The following CD109 variants were observed in gnomAD, a reference collection of about 807,000 sequenced individuals.
CD109 encodes CD109 antigen.
CD109 carries 149 observed loss-of-function variants against 165.8 expected under a neutral mutation model. The ratio of observed to expected loss-of-function variants is 0.90; its 90% CI spans 0.79 to 1.03. The LOEUF (loss-of-function observed/expected upper bound fraction) is 1.03, where lower values mean the gene tolerates loss of function less well. Ranked by LOEUF, CD109 falls within the 50% of genes least tolerant of loss-of-function variation. The probability of loss-of-function intolerance (pLI) is 0.00; values close to 1 mark genes in which losing one functional copy is unlikely to be tolerated. For missense variants in CD109, 1,712 were observed against 1,677.8 expected, an observed-to-expected ratio of 1.02 and a Z score of -0.36; for synonymous variants, 585 against 592.1, an observed-to-expected ratio of 0.99 and a Z score of 0.18.
chr6:73,779,023 A>G (rs1416503180), intron 15 of CD109, among the ~76,000 whole-genome samples: 2 of 152,318 alleles, frequency 1.3e-5, no homozygotes, highest in South Asian at 2.1e-4. Flanking sequence ...AATATTTCCA[A>G]AACATTTTCA....
At position 73,827,883 on chromosome 6, in the gene CD109, T is replaced by C. The variant is rs1379085442; in HGVS notation, c.*4250T>C. 2 of 154,294 alleles carry C rather than the reference T, an allele frequency of 1.3e-5. No individual in the cohort carries two copies. Among genetic ancestry groups the C allele is most frequent in the Non-Finnish European group, 2.9e-5 (2 of 68,222 alleles). 9.6% of individuals were successfully genotyped at this position (154,294 alleles called of 1,614,324 possible). ...TACATATTTAAGAATCATTCTATCT[T>C]ATGTTGTCTTGAGGCCAAGATTTAC... On this transcript the variant is annotated 3_prime_UTR_variant, in exon 33 of 33. Coordinates refer to ENST00000287097, the MANE Select transcript of CD109 (RefSeq NM_133493.5).
chr6:73,736,405 A>G lies in CD109; in HGVS notation c.530A>G (p.Gln177Arg), dbSNP rs1772545230. The G allele has an allele frequency of 1.2e-6, 2 of 1,613,838 alleles. No homozygotes were observed. The highest frequency in any genetic ancestry group is 8.5e-7 in the Non-Finnish European group (1 of 1,179,848). Residue 177 changes from glutamine to arginine, a missense_variant, in exon 5 of 33, where the codon CAA becomes CGA. By Grantham distance (43) the Gln-to-Arg change is conservative (BLOSUM62 1). Transcript: ENST00000287097. Reference protein sequence around the residue: ...LIKDPKSNLIQQWLSQQSDLG... With the variant: ...LIKDPKSNLIRQWLSQQSDLG... ...TAGGACCCCAAATCAAATTTGATCCAACAGTGGTTGTCACAACAAAGTGAT... is the reference window on the plus strand; with the variant it reads ...TAGGACCCCAAATCAAATTTGATCCGACAGTGGTTGTCACAACAAAGTGAT...
chr6:73,686,690 C>T, the CD109 span, among the ~76,000 whole-genome samples: 1 of 152,060 alleles, frequency 6.6e-6, no homozygotes, highest in Admixed American at 6.6e-5. Context: ...TATCAGTCCT[C>T]TCTCTTTCTT....
intron 15 of CD109, among the ~76,000 whole-genome samples, chr6:73,772,394 A>T (rs1774068754): frequency 6.6e-6 from 1 of 151,024 alleles, no homozygotes; most frequent in Admixed American, 6.6e-5. Context: ...AGTCCCAGCT[A>T]CTCGGGAGGC....
Position 73,729,488 on chromosome 6 carries a change from A to ATTG in CD109, c.277-853_277-851dup, listed in dbSNP as rs201126123. Among the ~76,000 whole-genome samples, 555 of 122,552 alleles carry ATTG rather than the reference A, an allele frequency of 4.5e-3. 2 individuals are homozygous for ATTG. The highest frequency in any genetic ancestry group is 5.1e-3 in the Non-Finnish European group (309 of 60,018). The allele number at this position is 122,552 out of a possible 152,430, so 80.4% of individuals were successfully genotyped here. A position where few individuals can be genotyped will look rare whatever the true frequency, so the allele number is the denominator to read the frequency against. On this transcript the variant is annotated intron_variant, in intron 3 of 32. Coordinates refer to ENST00000287097, the MANE Select transcript of CD109 (RefSeq NM_133493.5). The stretch of plus-strand genomic sequence containing the variant: ...GCTAATGCTAGAAGGTAGGACTTCT[A>ATTG]TTGTTATTATTATTATTATTATTAT...
chr6:73,720,138 T>C (rs1004490780), intron 2 of CD109, among the ~76,000 whole-genome samples: 1 of 152,118 alleles, frequency 6.6e-6, no homozygotes, highest in African/African-American at 2.4e-5. Flanking sequence ...GTGGTATATA[T>C]ACGTAATGGA....
intron 3 of CD109, among the ~76,000 whole-genome samples, chr6:73,729,458 G>A (rs939129263): frequency 1.3e-5 from 2 of 150,470 alleles, no homozygotes; most frequent in Non-Finnish European, 3.0e-5. Context: ...GTATGGCTCT[G>A]GTCTGCTAAT....
Position 73,782,557 on chromosome 6 carries a change from T to G in CD109, c.1964-57T>G. 5 of 1,528,752 alleles carry G rather than the reference T, an allele frequency of 3.3e-6. 1 individual carries two copies. Among genetic ancestry groups the G allele is most frequent in the Non-Finnish European group, 4.5e-6 (5 of 1,110,334 alleles). The allele number at this position is 1,528,752 out of a possible 1,614,324, so 94.7% of individuals were successfully genotyped here. A position where few individuals can be genotyped will look rare whatever the true frequency, so the allele number is the denominator to read the frequency against. ...TGACATTCATTTTGTATGTGGAGTT[T>G]ACAATTCATTCTCTCCAGTGACTGT... On this transcript the variant is annotated intron_variant, in intron 17 of 32. Transcript: ENST00000287097.
chr6:73,711,534 G>GTTTTTTTTTTTTTTT lies in CD109; in HGVS notation c.248-11714_248-11700dup, dbSNP rs765302167. On this transcript the variant is annotated intron_variant, in intron 2 of 32. Transcript: ENST00000287097. ...TTGTATTTTTAAAATCGTACTTTAA[G>GTTTTTTTTTTTTTTT]TTTTTTTTTTTTTTTTTGAGACGGA... Among the ~76,000 whole-genome samples, 13 of 23,490 alleles carry GTTTTTTTTTTTTTTT rather than the reference G, an allele frequency of 5.5e-4. 3 individuals carry two copies. Among genetic ancestry groups the GTTTTTTTTTTTTTTT allele is most frequent in the Non-Finnish European group, 3.3e-3 (8 of 2,406 alleles). 15.4% of individuals were successfully genotyped at this position (23,490 alleles called of 152,430 possible). A position where few individuals can be genotyped will look rare whatever the true frequency, so the allele number is the denominator to read the frequency against.
rs954678300 is a variant in CD109 at position 73,808,318 on chromosome 6, A to G, written c.3355+70A>G. ...TATAACTTACATGAGAAAAATTTTT[A>G]GCCAGGTTTGAAATTGATTACATCT... is the stretch of plus-strand genomic sequence containing the variant. On this transcript the variant is annotated intron_variant, in intron 26 of 32. Transcript: ENST00000287097. 3.3e-6 allele frequency: 5 copies of G among 1,499,268 alleles called. No homozygotes were observed. The African/African-American group carries it at 5.6e-5, about 17-fold the overall frequency. 92.9% of individuals were successfully genotyped at this position (1,499,268 alleles called of 1,614,324 possible).
intron 5 of CD109, among the ~76,000 whole-genome samples, chr6:73,751,297 AG>A (rs1243160076): frequency 2.6e-5 from 4 of 152,066 alleles, no homozygotes; most frequent in African/African-American, 9.7e-5. Context: ...CTGTATTCCT[AG>A]GAGGACCCTT....
intron 23 of CD109, among the ~76,000 whole-genome samples, chr6:73,798,229 T>C (rs1582177279): frequency 6.6e-6 from 1 of 151,810 alleles, no homozygotes; most frequent in East Asian, 1.9e-4. Flanking sequence ...ATTCTCCTGC[T>C]TCAGCCTCCC....
At chr6:73,820,021 C>T (rs2150311571) in intron 31 of CD109, among the ~76,000 whole-genome samples, 2 of 152,242 alleles carry the variant, frequency 1.3e-5, no homozygotes, top group Middle Eastern at 3.4e-3. Context: ...CTTTGTGTAC[C>T]CCATCTCAGT....
At chr6:73,700,126 G>C (rs903786908) in intron 2 of CD109, among the ~76,000 whole-genome samples, 1 of 152,162 alleles carries the variant, frequency 6.6e-6, no homozygotes, top group Non-Finnish European at 1.5e-5. Context: ...CTGTTGCCCA[G>C]GCCAGAGTGC....
At chr6:73,686,523 C>T in the CD109 span, among the ~76,000 whole-genome samples, 2 of 152,022 alleles carry the variant, frequency 1.3e-5, no homozygotes, top group Admixed American at 1.3e-4. Flanking sequence ...TTCTACTGGG[C>T]GGCATATAGT....
At chr6:73,763,813 C>A (rs75722938) in intron 10 of CD109, 128 bp downstream of exon 10, 11 of 423,188 alleles carry the variant, frequency 2.6e-5, no homozygotes, top group Non-Finnish European at 4.6e-5. Context: ...TCTCTTTAGA[C>A]ATGTGGGGCA....
In CD109 at chr6:73,785,388, AT is replaced by A; in HGVS notation, c.2255del (p.Leu752Ter). On this transcript the variant is annotated frameshift_variant, in exon 20 of 33. Transcript: ENST00000287097. LOFTEE classifies it high-confidence loss of function. ...VELQAFQPFF[I>X]FLNLPYSVIR... ...GCTCCAAGCCTTCCAACCATTTTTC[AT>A]TTTTTTGAATCTTCCCTACTCTGTT... 6.2e-7 allele frequency: 1 copy of A among 1,604,258 alleles called. No individual in the cohort carries two copies. Among genetic ancestry groups the A allele is most frequent in the Non-Finnish European group, 8.5e-7 (1 of 1,174,584 alleles).
intron 5 of CD109, among the ~76,000 whole-genome samples, chr6:73,739,732 C>T (rs1298063349): frequency 1.3e-5 from 2 of 152,032 alleles, no homozygotes; most frequent in Non-Finnish European, 2.9e-5. Context: ...CCTGTAGTCC[C>T]AGCTACTCGG....
At chr6:73,791,136 C>CACAT (rs1478783898) in intron 22 of CD109, among the ~76,000 whole-genome samples, 1 of 56,346 alleles carries the variant, frequency 1.8e-5, no homozygotes, top group Non-Finnish European at 2.9e-5. Context: ...TACATACATA[C>CACAT]ATATATATAT....
Sources: allele counts gnomAD v4.1 joint callset (sites outside exome capture counted in the v4.1 genomes callset), GRCh38; gene constraint gnomAD v4.1.1; transcripts MANE v1.5; gene names NCBI Gene and HGNC (gene_info 2026-07-23, HGNC 2026-07-21).